PABPC4L: variants seen among roughly 807,000 people sequenced by gnomAD.
PABPC4L encodes poly(A) binding protein cytoplasmic 4 like, also known as polyadenylate-binding protein 4-like.
For synonymous variants in PABPC4L, 169 were observed against 164.1 expected (o/e 1.03, Z -0.23); for missense variants, 452 against 451.4 (o/e 1.00, Z -0.01).
At chr4:133,960,812 C>T in the PABPC4L span, among the ~76,000 whole-genome samples, 3 of 152,020 alleles carry the variant, frequency 2.0e-5, no homozygotes, top group Admixed American at 1.3e-4. Context: ...TCCCTGACAA[C>T]CTGCATGACT....
At chr4:134,142,191 A>G in the PABPC4L span, among the ~76,000 whole-genome samples, 22 of 151,736 alleles carry the variant, frequency 1.4e-4, no homozygotes, top group African/African-American at 5.1e-4. Flanking sequence ...GGCAGTAGCA[A>G]CAACAGATCA....
the PABPC4L span, among the ~76,000 whole-genome samples, chr4:133,958,095 G>A: frequency 6.6e-6 from 1 of 152,192 alleles, no homozygotes; most frequent in Non-Finnish European, 1.5e-5. Context: ...TTTCTGCTCA[G>A]AAAATAAGTT....
At chr4:134,035,283 G>A in the PABPC4L span, among the ~76,000 whole-genome samples, 1 of 151,878 alleles carries the variant, frequency 6.6e-6, no homozygotes, top group Non-Finnish European at 1.5e-5. Flanking sequence ...AAAACATTTG[G>A]GTGACTTGCT....
chr4:134,182,355 G>A, the PABPC4L span, among the ~76,000 whole-genome samples: 1 of 150,220 alleles, frequency 6.7e-6, no homozygotes, highest in Non-Finnish European at 1.5e-5. Flanking sequence ...AAGAGGGAAG[G>A]GACTCTATTA....
At chr4:134,156,404 C>A in the PABPC4L span, among the ~76,000 whole-genome samples, 1 of 151,894 alleles carries the variant, frequency 6.6e-6, no homozygotes, top group Non-Finnish European at 1.5e-5. Flanking sequence ...CACTTGACAA[C>A]ATTAATGTGG....
the PABPC4L span, among the ~76,000 whole-genome samples, chr4:134,119,882 C>T: frequency 6.6e-6 from 1 of 151,468 alleles, no homozygotes; most frequent in African/African-American, 2.4e-5. Context: ...GGAGATATGC[C>T]CATCTAGTTC....
chr4:134,125,601 A>C, the PABPC4L span, among the ~76,000 whole-genome samples: 1 of 152,176 alleles, frequency 6.6e-6, no homozygotes, highest in Non-Finnish European at 1.5e-5. Flanking sequence ...ATGAAACAAT[A>C]AACAAAGAAT....
At chr4:134,154,170 T>C in the PABPC4L span, among the ~76,000 whole-genome samples, 1 of 152,116 alleles carries the variant, frequency 6.6e-6, no homozygotes, top group Non-Finnish European at 1.5e-5. Flanking sequence ...TTAAATAAAA[T>C]ATTATGAAAT....
chr4:134,049,771 A>C, the PABPC4L span, among the ~76,000 whole-genome samples: 1 of 152,204 alleles, frequency 6.6e-6, no homozygotes, highest in African/African-American at 2.4e-5. Context: ...GAATATGCAA[A>C]TTGCTTAATC....
the PABPC4L span, among the ~76,000 whole-genome samples, chr4:134,107,507 A>G: frequency 2.6e-5 from 4 of 151,636 alleles, no homozygotes; most frequent in Non-Finnish European, 5.9e-5. Context: ...TATACATTAA[A>G]GTGTGAGTAT....
the PABPC4L span, among the ~76,000 whole-genome samples, chr4:133,977,652 A>G: frequency 1.3e-5 from 2 of 152,028 alleles, no homozygotes; most frequent in Non-Finnish European, 2.9e-5. Context: ...ATTCCTAGGT[A>G]TTTTATTCTC....
At chr4:134,173,252 C>A in the PABPC4L span, among the ~76,000 whole-genome samples, 1 of 150,796 alleles carries the variant, frequency 6.6e-6, no homozygotes, top group Non-Finnish European at 1.5e-5. Context: ...GAAAGGAAAT[C>A]TGTATATCAA....
At chr4:134,012,916 T>C in the PABPC4L span, among the ~76,000 whole-genome samples, 3 of 152,094 alleles carry the variant, frequency 2.0e-5, no homozygotes, top group Admixed American at 6.6e-5. Flanking sequence ...GGAGACACGT[T>C]TTACCCGTGG....
chr4:134,182,407 A>G, the PABPC4L span, among the ~76,000 whole-genome samples: 1 of 151,994 alleles, frequency 6.6e-6, no homozygotes. Context: ...TATGCAGAAG[A>G]TTGAAACTGG....
At chr4:134,060,925 A>G in the PABPC4L span, among the ~76,000 whole-genome samples, 1 of 152,078 alleles carries the variant, frequency 6.6e-6, no homozygotes, top group Non-Finnish European at 1.5e-5. Context: ...GAGGCTGGGA[A>G]GGATAGTGTG....
At chr4:134,001,229 A>T in the PABPC4L span, among the ~76,000 whole-genome samples, 1 of 120,720 alleles carries the variant, frequency 8.3e-6, no homozygotes, top group Non-Finnish European at 2.0e-5. Flanking sequence ...GGGAGTAAGC[A>T]CTCCACCCAG....
At chr4:134,035,081 G>A in the PABPC4L span, among the ~76,000 whole-genome samples, 2 of 151,996 alleles carry the variant, frequency 1.3e-5, no homozygotes, top group African/African-American at 4.8e-5. Context: ...TCAGTCAGCA[G>A]TCATCAACGT....
the PABPC4L span, among the ~76,000 whole-genome samples, chr4:134,030,100 C>A: frequency 6.6e-6 from 1 of 152,074 alleles, no homozygotes; most frequent in Non-Finnish European, 1.5e-5. Context: ...GTGGATTAAA[C>A]TTCCTTTCCT....
At chr4:133,961,002 T>C in the PABPC4L span, among the ~76,000 whole-genome samples, 1 of 152,060 alleles carries the variant, frequency 6.6e-6, no homozygotes, top group Non-Finnish European at 1.5e-5. Flanking sequence ...AAAAAGAGCG[T>C]GTACTCTTGG....
Sources: gnomAD v4.1 joint callset for allele counts (sites outside exome capture counted in the v4.1 genomes callset) on GRCh38, gnomAD v4.1.1 for gene constraint, MANE v1.5 for transcripts, NCBI Gene and HGNC (gene_info 2026-07-23, HGNC 2026-07-21) for gene names.